TMEM161A: variants seen among roughly 807,000 people sequenced by gnomAD.
TMEM161A encodes the protein adaptive response to oxidative stress protein 29.
Under a neutral mutation model 57.1 loss-of-function variants are expected in TMEM161A, and 46 were observed. The ratio of observed to expected loss-of-function variants is 0.81; its 90% CI spans 0.64 to 1.03. TMEM161A has a LOEUF of 1.03. TMEM161A is among the 50% of genes least tolerant of loss of function. The pLI is 0.00. For missense variants in TMEM161A, 601 were observed against 621.5 expected (o/e 0.97, Z 0.35); for synonymous variants, 288 against 279.0 (o/e 1.03, Z -0.32).
chr19:19,132,205 G>T lies in TMEM161A; in HGVS notation c.443+147C>A. 1 of 902,712 alleles carries T rather than the reference G, an allele frequency of 1.1e-6. No individual in the cohort carries two copies. Among genetic ancestry groups the T allele is most frequent in the Non-Finnish European group, 1.7e-6 (1 of 601,538 alleles). The allele number at this position is 902,712 out of a possible 1,614,324, so 55.9% of individuals were successfully genotyped here. ...CAGTCTGTCCACCCACAGAGCTGGA[G>T]CACATAAAATGTCTGCTTCATGTCA... On this transcript the variant is annotated intron_variant, in intron 5 of 11. Transcript: ENST00000162044. This position sits in a 1 kb window ranked among gnomAD's most constrained non-coding sequence, Gnocchi z 4.3.
In TMEM161A at chr19:19,119,593, G is replaced by C. The variant is rs759577316; in HGVS notation, c.*337C>G. 1 of 311,840 alleles carries C rather than the reference G, an allele frequency of 3.2e-6. No individual in the cohort carries two copies. Among genetic ancestry groups the C allele is most frequent in the South Asian group, 3.8e-5 (1 of 26,392 alleles). 19.3% of individuals were successfully genotyped at this position (311,840 alleles called of 1,614,324 possible). On this transcript the variant is annotated 3_prime_UTR_variant, in exon 12 of 12. Coordinates refer to ENST00000162044, the MANE Select transcript of TMEM161A (RefSeq NM_017814.3). ...GACAGCTACCACCCTGCACAAGCCC[G>C]AGTCCCAAACCACTCAGACCCTGTT... is the stretch of plus-strand genomic sequence containing the variant.
Position 19,138,433 on chromosome 19 carries a change from C to A in TMEM161A, c.-5G>T. On this transcript the variant is annotated 5_prime_UTR_variant, in exon 1 of 12. Coordinates refer to ENST00000162044, the MANE Select transcript of TMEM161A (RefSeq NM_017814.3). ...CGCGGGACGCTCGCTCACCATGACG[C>A]GTGCGAGAACGCGGTGCACTCACCC... The A allele has an allele frequency of 6.2e-7, 1 of 1,602,584 alleles. No homozygotes were observed. The highest frequency in any genetic ancestry group is 8.5e-7 in the Non-Finnish European group (1 of 1,174,804).
Position 19,130,137 on chromosome 19 carries a change from C to A in TMEM161A, c.595+19G>T, listed in dbSNP as rs763565828. 3 of 1,611,380 alleles carry A rather than the reference C, an allele frequency of 1.9e-6. No homozygotes were observed. Among genetic ancestry groups the A allele is most frequent in the Non-Finnish European group, 2.5e-6 (3 of 1,179,870 alleles). On this transcript the variant is annotated intron_variant, in intron 6 of 11. Transcript: ENST00000162044. ...GGGAGTGACAGCTGCGGTGGCCCCA[C>A]GTTGGGGGCTGCACTTACCAGGCTC...
chr19:19,128,697 C>T (rs745674453), intron 6 of TMEM161A, among the ~76,000 whole-genome samples: 1 of 151,702 alleles, frequency 6.6e-6, no homozygotes, highest in Non-Finnish European at 1.5e-5. Context: ...TGTCACCACG[C>T]CCGACTAATT....
At position 19,119,963 on chromosome 19, in the gene TMEM161A, G is replaced by C; in HGVS notation, c.1407C>G (p.Gly469=). 1 of 1,563,188 alleles carries C rather than the reference G, an allele frequency of 6.4e-7. No homozygotes were observed. Among genetic ancestry groups the C allele is most frequent in the Non-Finnish European group, 8.7e-7 (1 of 1,154,864 alleles). The change falls in exon 12 of 12, where the codon GGC becomes GGG. Residue 469 remains glycine (G), a synonymous_variant. Coordinates refer to ENST00000162044, the MANE Select transcript of TMEM161A (RefSeq NM_017814.3). ...AACQLLASLF[G]LYFHQHLAGS is the part of the protein sequence containing the mutation. The stretch of plus-strand genomic sequence containing the variant: ...CTGCCAAGTGCTGGTGGAAGTAGAG[G>C]CCGAAAAGGCTGGCGAGCAGCTGGC...
intron 1 of TMEM161A, among the ~76,000 whole-genome samples, chr19:19,137,495 T>A (rs1170243437): frequency 6.6e-6 from 1 of 152,196 alleles, no homozygotes; most frequent in Non-Finnish European, 1.5e-5. Context: ...TCTGGAGTCT[T>A]CCATCAGCTC....
In TMEM161A at chr19:19,121,292, C is replaced by G; in HGVS notation, c.914+16G>C. The G allele has an allele frequency of 6.4e-7, 1 of 1,556,050 alleles. No homozygotes were observed. The highest frequency in any genetic ancestry group is 1.2e-5 in the South Asian group (1 of 85,032). On this transcript the variant is annotated intron_variant, in intron 9 of 11. Coordinates refer to ENST00000162044, the MANE Select transcript of TMEM161A (RefSeq NM_017814.3). The surrounding 1 kb of genome is among the most constrained non-coding windows in gnomAD (Gnocchi z 5.8). ...AGGGGAGCCCCAGCTACCTCCTAGC[C>G]CCACCCAATACGCACAGGGAGAAAC...
At chr19:19,137,971 C>T (rs531660454) in intron 1 of TMEM161A, among the ~76,000 whole-genome samples, 3 of 152,280 alleles carry the variant, frequency 2.0e-5, no homozygotes, top group African/African-American at 7.2e-5. Context: ...CTCCCCTGCC[C>T]GTTCCACACA....
Position 19,121,000 on chromosome 19 carries a change from G to A in TMEM161A, c.1081C>T (p.Gln361Ter). ...CATCGGGGCGTCCATACCCTCTGCT[G>A]GATTTCACGGGCTTCGATGCGGCCA... is the stretch of plus-strand genomic sequence containing the variant. ...EAGRIEAREI[Q>*]QRVVRVYCYV... Residue 361 changes from glutamine (Q) to a stop codon, truncating the protein, a stop_gained, in exon 10 of 12, where the codon CAG becomes TAG. Transcript: ENST00000162044. LOFTEE classifies it high-confidence loss of function. The A allele has an allele frequency of 1.2e-6, 2 of 1,606,984 alleles. No homozygotes were observed. The highest frequency in any genetic ancestry group is 1.7e-6 in the Non-Finnish European group (2 of 1,176,204).
intron 1 of TMEM161A, among the ~76,000 whole-genome samples, chr19:19,137,367 G>A (rs1172091233): frequency 6.6e-6 from 1 of 152,132 alleles, no homozygotes; most frequent in Non-Finnish European, 1.5e-5. Flanking sequence ...AGGTGGTGGA[G>A]GGGTGCATCT....
rs1568533381 is a variant in TMEM161A, at chr19:19,121,452, C to G, written c.801-31G>C. 7 of 1,613,620 alleles carry G rather than the reference C, an allele frequency of 4.3e-6. No homozygotes were observed. Among genetic ancestry groups the G allele is most frequent in the Non-Finnish European group, 4.2e-6 (5 of 1,179,624 alleles). ...GGGTGAGGGCAGGAGGGAGTGAGGC[C>G]TGGGTACCCCCTCTCCTCGAGTCTC... is the stretch of plus-strand genomic sequence containing the variant. On this transcript the variant is annotated intron_variant, in intron 8 of 11. Transcript: ENST00000162044. This position sits in a 1 kb window ranked among gnomAD's most constrained non-coding sequence, Gnocchi z 5.8.
intron 6 of TMEM161A, among the ~76,000 whole-genome samples, chr19:19,126,164 CAAAA>C (rs11297146): frequency 7.4e-6 from 1 of 134,664 alleles, no homozygotes; most frequent in Non-Finnish European, 1.6e-5. Flanking sequence ...GACTCTGTCT[CAAAA>C]AAAAAAAAAA....
rs376153705 is a variant in TMEM161A at position 19,133,159 on chromosome 19, C to T, written c.159G>A (p.Gly53=). The change falls in exon 3 of 12, where the codon GGG becomes GGA. Residue 53 remains glycine (G), a synonymous_variant. Transcript: ENST00000162044. ...PSEEELRALA[G]KPRPRGRKER... Reference sequence around the variant, plus strand: ...CTTTCCTGCCTCTGGGCCTCGGCTTCCCCGCCAGGGCCCGAAGCTCCTCCT... The same window carrying T: ...CTTTCCTGCCTCTGGGCCTCGGCTTTCCCGCCAGGGCCCGAAGCTCCTCCT... The T allele has an allele frequency of 1.2e-5, 19 of 1,614,158 alleles. No individual in the cohort carries two copies. The East Asian group carries it at 2.7e-4, about 23-fold the overall frequency.
At position 19,119,311 on chromosome 19, in the gene TMEM161A, T is replaced by G. The variant is rs72993464; in HGVS notation, c.*619A>C. 0.11 allele frequency: 17,151 copies of G among 152,762 alleles called. 1,059 individuals carry two copies. The highest frequency in any genetic ancestry group is 0.16 in the Middle Eastern group (46 of 292). 9.5% of individuals were successfully genotyped at this position (152,762 alleles called of 1,614,324 possible). On this transcript the variant is annotated 3_prime_UTR_variant, in exon 12 of 12. Transcript: ENST00000162044. ...TACATGCATGCGCCACCATGCCTAATTTTTGTTATTTTAGTAAAGACTGGG... is the reference window on the plus strand; with the variant it reads ...TACATGCATGCGCCACCATGCCTAAGTTTTGTTATTTTAGTAAAGACTGGG...
At position 19,119,866 on chromosome 19, in the gene TMEM161A, G is replaced by A; in HGVS notation, c.*64C>T. On this transcript the variant is annotated 3_prime_UTR_variant, in exon 12 of 12. Transcript: ENST00000162044. ...GGGGACACGGGGGCGCAAACAGAGGGGGCAGGCTAGTGTCCCGCTGCCCCA... is the reference window on the plus strand; with the variant it reads ...GGGGACACGGGGGCGCAAACAGAGGAGGCAGGCTAGTGTCCCGCTGCCCCA... 6.6e-7 allele frequency: 1 copy of A among 1,522,076 alleles called. No homozygotes were observed. The highest frequency in any genetic ancestry group is 8.8e-7 in the Non-Finnish European group (1 of 1,130,632). 94.3% of individuals were successfully genotyped at this position (1,522,076 alleles called of 1,614,324 possible).
chr19:19,122,766 C>CA (rs1172853044), intron 6 of TMEM161A, among the ~76,000 whole-genome samples: 80,923 of 117,806 alleles, frequency 0.69, 27,839 homozygotes, highest in East Asian at 0.85. Context: ...AAGACCTTGT[C>CA]AAAAAAAAAA....
Position 19,130,267 on chromosome 19 carries a change from C to A in TMEM161A, c.484G>T (p.Glu162Ter), listed in dbSNP as rs145831295. 1 of 1,613,650 alleles carries A rather than the reference C, an allele frequency of 6.2e-7. No homozygotes were observed. Among genetic ancestry groups the A allele is most frequent in the Non-Finnish European group, 8.5e-7 (1 of 1,180,030 alleles). ...LTVTRLYFSA[E>*]EGGERSVCLT... The stretch of plus-strand genomic sequence containing the variant: ...CAGACAGAGCGCTCACCCCCCTCCT[C>A]GGCGCTGAAGTACAGCCGTGTCACT... The change falls in exon 6 of 12, where the codon GAG becomes TAG. Residue 162 changes from glutamate (E) to a stop codon, truncating the protein, a stop_gained. Coordinates refer to ENST00000162044, the MANE Select transcript of TMEM161A (RefSeq NM_017814.3). LOFTEE classifies it high-confidence loss of function.
chr19:19,134,753 G>C (rs999632049), intron 2 of TMEM161A, 31 bp downstream of exon 2: 8 of 1,510,104 alleles, frequency 5.3e-6, no homozygotes, highest in Admixed American at 3.9e-5. Context: ...GTGACTCCGC[G>C]GGCCCCTCCC....
intron 6 of TMEM161A, among the ~76,000 whole-genome samples, chr19:19,122,348 A>T (rs567556049): frequency 6.6e-6 from 1 of 152,284 alleles, no homozygotes; most frequent in Admixed American, 6.5e-5. Flanking sequence ...GGCTGGGAAC[A>T]TTCAGGGGTA....
Sources: allele counts gnomAD v4.1 joint callset (sites outside exome capture counted in the v4.1 genomes callset), GRCh38; gene constraint gnomAD v4.1.1; non-coding constraint Gnocchi (gnomAD v3.1); transcripts MANE v1.5; gene names NCBI Gene and HGNC (gene_info 2026-07-23, HGNC 2026-07-21).